The following ACIN1 variants were observed in gnomAD, a reference collection of about 807,000 sequenced individuals.
ACIN1 encodes apoptotic chromatin condensation inducer in the nucleus.
ACIN1 carries 16 observed loss-of-function variants against 146.6 expected under a neutral mutation model. The ratio of observed to expected loss-of-function variants is 0.11; its 90% CI spans 0.07 to 0.17. The LOEUF (loss-of-function observed/expected upper bound fraction) is 0.17. Among genes scored for constraint, ACIN1 ranks in the 10% least tolerant of loss-of-function variants. The pLI is 1.00. For missense variants in ACIN1, 1,357 were observed against 1,609.3 expected (o/e 0.84, Z 2.68); for synonymous variants, 569 against 582.7 (o/e 0.98, Z 0.34).
intron 8 of ACIN1, chr14:23,071,292 C>A: frequency 1.3e-6 from 2 of 1,498,236 alleles, no homozygotes; most frequent in Admixed American, 2.5e-5. Flanking sequence ...TCCTCCCCAG[C>A]CACCCGATCC....
chr14:23,070,876 C>T (rs973673684), intron 8 of ACIN1, among the ~76,000 whole-genome samples: 6 of 151,984 alleles, frequency 3.9e-5, no homozygotes, highest in Admixed American at 3.3e-4. Context: ...TAAACAGGCC[C>T]CCAGAGAAAC....
At chr14:23,063,272 C>G (rs1187406851) in intron 13 of ACIN1, 164 bp downstream of exon 13, 14 of 1,135,534 alleles carry the variant, frequency 1.2e-5, no homozygotes, top group Non-Finnish European at 1.7e-5. Context: ...TAAACAGAGT[C>G]AAATCTGGCC....
At chr14:23,069,240 G>GA in intron 9 of ACIN1, 1 of 1,222,210 alleles carries the variant, frequency 8.2e-7, no homozygotes, top group Non-Finnish European at 1.0e-6. Flanking sequence ...CAAACGTCTA[G>GA]AGTCTGGGCA....
chr14:23,092,682 G>A lies in ACIN1; in HGVS notation c.204+797C>T, dbSNP rs1014822194. Among the ~76,000 whole-genome samples the A allele has an allele frequency of 5.3e-5, 8 of 152,290 alleles. No homozygotes were observed. The East Asian group carries it at 1.2e-3, about 22-fold the overall frequency. On this transcript the variant is annotated intron_variant, in intron 2 of 18. Transcript: ENST00000605057. ...TATAATGAGGGGATTTTTAAAAGCTGAAAGAAACTTTAAGAGACTGTGCAG... is the reference window on the plus strand; with the variant it reads ...TATAATGAGGGGATTTTTAAAAGCTAAAAGAAACTTTAAGAGACTGTGCAG...
At chr14:23,071,053 G>A (rs2140081506) in intron 8 of ACIN1, 2 of 1,458,548 alleles carry the variant, frequency 1.4e-6, no homozygotes, top group East Asian at 2.5e-5. Context: ...TGAAAGCCAT[G>A]AGGAAGAGAA....
Position 23,088,759 on chromosome 14 carries a change from T to C in ACIN1, c.436+1223A>G, listed in dbSNP as rs147391465. On this transcript the variant is annotated intron_variant, in intron 4 of 18. Transcript: ENST00000605057. Reference sequence around the variant, plus strand: ...ATTAAGTATCCCTTTTCCAAAATGCTTGGGATCACAAGTGTTTTAGATTTT... The same window carrying C: ...ATTAAGTATCCCTTTTCCAAAATGCCTGGGATCACAAGTGTTTTAGATTTT... Among the ~76,000 whole-genome samples, 67 of 152,350 alleles carry C rather than the reference T, an allele frequency of 4.4e-4. 1 individual carries two copies. Among genetic ancestry groups the C allele is most frequent in the African/African-American group, 1.5e-3 (63 of 41,580 alleles).
upstream of ACIN1, chr14:23,095,362 T>C: frequency 6.6e-7 from 1 of 1,509,610 alleles, no homozygotes; most frequent in Non-Finnish European, 8.9e-7. Context: ...GTTTTCTTCG[T>C]CTTGCCGAAG....
intron 4 of ACIN1, among the ~76,000 whole-genome samples, chr14:23,083,909 A>T (rs1429631820): frequency 1.3e-5 from 2 of 152,146 alleles, no homozygotes; most frequent in Non-Finnish European, 2.9e-5. Flanking sequence ...AGTGCAAATA[A>T]AGCAGATGGT....
At position 23,064,464 on chromosome 14, in the gene ACIN1, C is replaced by G. The variant is rs1431890169; in HGVS notation, c.2333G>C (p.Gly778Ala). The change falls in exon 11 of 19, where the codon GGA becomes GCA. Residue 778 changes from glycine (G) to alanine (A), a missense_variant. By Grantham distance (60) the Gly-to-Ala change is moderately conservative (BLOSUM62 0). Transcript: ENST00000605057. ...CTGGCCCCCCTCTGTGTCACTGTTT[C>G]CAGCTGGCACCCCCTTGGTAGCTGC... ...VVSATKGVPA[G>A]NSDTEGGQPG... is the part of the protein sequence containing the mutation. The G allele has an allele frequency of 1.2e-6, 2 of 1,614,128 alleles. No individual in the cohort carries two copies. The highest frequency in any genetic ancestry group is 8.5e-7 in the Non-Finnish European group (1 of 1,180,052).
At chr14:23,061,220 CT>C in intron 17 of ACIN1, 36 bp from the exon 18 acceptor site, 1 of 1,613,966 alleles carries the variant, frequency 6.2e-7, no homozygotes, top group Admixed American at 1.7e-5. Context: ...TATGATGCAT[CT>C]GACCCTCTGT....
intron 9 of ACIN1, chr14:23,066,271 C>A (rs915384751): frequency 2.7e-6 from 1 of 373,750 alleles, no homozygotes; most frequent in Non-Finnish European, 4.9e-6. Context: ...CCGTATCACA[C>A]CTGTGTATTA....
chr14:23,066,447 G>C (rs1263823323), intron 9 of ACIN1: 1 of 154,474 alleles, frequency 6.5e-6, no homozygotes, highest in African/African-American at 2.4e-5. Flanking sequence ...TTGCTAACTC[G>C]AGGAAACAAG....
intron 8 of ACIN1, 21 bp downstream of exon 8, chr14:23,078,130 C>T (rs763775796): frequency 3.3e-5 from 53 of 1,609,910 alleles, no homozygotes; most frequent in Non-Finnish European, 4.2e-5. Context: ...TGTTATACCC[C>T]GGTCGAGATA....
chr14:23,067,654 T>A lies in ACIN1; in HGVS notation c.2266-1646A>T. 1 of 984,360 alleles carries A rather than the reference T, an allele frequency of 1.0e-6. No individual in the cohort carries two copies. Among genetic ancestry groups the A allele is most frequent in the Non-Finnish European group, 1.2e-6 (1 of 828,582 alleles). The allele number at this position is 984,360 out of a possible 1,614,324, so 61.0% of individuals were successfully genotyped here. On this transcript the variant is annotated intron_variant, in intron 9 of 18. Transcript: ENST00000605057. The surrounding 1 kb of genome is among the most constrained non-coding windows in gnomAD (Gnocchi z 4.6). The stretch of plus-strand genomic sequence containing the variant: ...AGGGACATCATCTTGCAGTCCCTGA[T>A]GAGATGGCCTGTGAGTAGCAGGAAT...
chr14:23,059,310 G>T lies in ACIN1; in HGVS notation c.3690C>A (p.Asp1230Glu). 6.3e-7 allele frequency: 1 copy of T among 1,593,890 alleles called. No individual in the cohort carries two copies. Among genetic ancestry groups the T allele is most frequent in the South Asian group, 1.1e-5 (1 of 90,636 alleles). The change falls in exon 19 of 19, where the codon GAC (aspartate) becomes GAA (glutamate). Residue 1230 changes from aspartate to glutamate, a missense_variant. Around this residue, in one of 4 missense-constraint regions of ACIN1, gnomAD observed 509 missense variants for 719.6 expected, o/e 0.71. Coordinates refer to ENST00000605057, the MANE Select transcript of ACIN1 (RefSeq NM_001386863.1). The stretch of plus-strand genomic sequence containing the variant: ...GCTCCCTTTCTCTCTCTCTCTCCCT[G>T]TCCCTCTCCCGACTGTGCTCCCGAC... Reference protein sequence around the residue: ...EKRREHSRERDRERERERERD... With the variant: ...EKRREHSRERERERERERERD...
rs867722364 is a variant in ACIN1, at chr14:23,083,283, C to T, written c.437-1447G>A. 1.1e-4 allele frequency among the ~76,000 whole-genome samples: 16 copies of T among 152,134 alleles called. No homozygotes were observed. In the South Asian group the frequency reaches 3.1e-3, roughly 30 times the overall value. The stretch of plus-strand genomic sequence containing the variant: ...GCAGTGGCATGATCATGGCTCACTG[C>T]AGCCTCAGCCTCCAGGGCTCAAGTA... On this transcript the variant is annotated intron_variant, in intron 4 of 18. Coordinates refer to ENST00000605057, the MANE Select transcript of ACIN1 (RefSeq NM_001386863.1).
chr14:23,094,111 AACAC>A (rs1035271217), intron 1 of ACIN1, among the ~76,000 whole-genome samples: 1 of 143,426 alleles, frequency 7.0e-6, no homozygotes, highest in African/African-American at 2.6e-5. Context: ...TATCCACACA[AACAC>A]ACACACACAA....
At chr14:23,061,239 C>T (rs2047269412) in intron 17 of ACIN1, 55 bp from the exon 18 acceptor site, 3 of 1,613,452 alleles carry the variant, frequency 1.9e-6, no homozygotes, top group Admixed American at 3.3e-5. Flanking sequence ...TGTCCCATCC[C>T]ATCTGGGTCC....
At chr14:23,060,495 A>C (rs2047241716) in intron 18 of ACIN1, among the ~76,000 whole-genome samples, 1 of 151,922 alleles carries the variant, frequency 6.6e-6, no homozygotes, top group South Asian at 2.1e-4. Context: ...TCTCAGCTAA[A>C]TACAATCAAG....
Sources: allele counts gnomAD v4.1 joint callset (sites outside exome capture counted in the v4.1 genomes callset), GRCh38; gene constraint gnomAD v4.1.1; regional missense constraint gnomAD v4.1.1; non-coding constraint Gnocchi (gnomAD v3.1); transcripts MANE v1.5; gene names NCBI Gene and HGNC (gene_info 2026-07-23, HGNC 2026-07-21).